The following HAND1 variants were observed in gnomAD, a reference collection of about 807,000 sequenced individuals.
The protein encoded by HAND1 is heart- and neural crest derivatives-expressed protein 1.
In HAND1, 10 loss-of-function variants were observed where a neutral mutation model predicts 14.5. The observed-to-expected ratio is 0.69, with a 90% CI of 0.42 to 1.17. HAND1 has a LOEUF of 1.17. Among genes scored for constraint, HAND1 ranks in the 50% most tolerant of loss-of-function variants. HAND1 has a pLI of 0.00. For synonymous variants in HAND1, 128 were observed against 127.1 expected, an observed-to-expected ratio of 1.01 and a Z score of -0.05; for missense variants, 299 against 298.4, an observed-to-expected ratio of 1.00 and a Z score of -0.01.
intron 1 of HAND1, among the ~76,000 whole-genome samples, chr5:154,476,687 G>C (rs1757547536): frequency 6.6e-6 from 1 of 152,114 alleles, no homozygotes; most frequent in East Asian, 1.9e-4. Flanking sequence ...ACGGCCTTAA[G>C]CCCCCCAACC....
rs1582055552 is a variant in HAND1, at chr5:154,475,693, G to C, written c.*113C>G. On this transcript the variant is annotated 3_prime_UTR_variant, in exon 2 of 2. Transcript: ENST00000231121. The stretch of plus-strand genomic sequence containing the variant: ...CCGGCGCTCAGCAGAAGCTCCGCGG[G>C]ATGCGTAGCACCAGTCGCCGGAGCC... 1.3e-6 allele frequency: 1 copy of C among 785,632 alleles called. No individual in the cohort carries two copies. The highest frequency in any genetic ancestry group is 2.6e-5 in the East Asian group (1 of 37,792). The allele number at this position is 785,632 out of a possible 1,614,324, so 48.7% of individuals were successfully genotyped here.
rs1272863502 is a variant in HAND1, at chr5:154,475,094, A to C, written c.*712T>G. 1.3e-5 allele frequency: 2 copies of C among 152,672 alleles called. No individual in the cohort carries two copies. The highest frequency in any genetic ancestry group is 2.9e-5 in the Non-Finnish European group (2 of 68,102). The allele number at this position is 152,672 out of a possible 1,614,324, so 9.5% of individuals were successfully genotyped here. A position where few individuals can be genotyped will look rare whatever the true frequency, so the allele number is the denominator to read the frequency against. ...GTTGGGGATGGCAGGATGAACAAAC[A>C]CCTGAGCACAACAGGCATGGTAGGT... On this transcript the variant is annotated 3_prime_UTR_variant, in exon 2 of 2. Transcript: ENST00000231121.
intron 1 of HAND1, 60 bp from the exon 2 acceptor site, chr5:154,475,970 C>G: frequency 5.3e-6 from 7 of 1,332,150 alleles, no homozygotes; most frequent in Non-Finnish European, 7.5e-6. Flanking sequence ...TTTTCTGCTC[C>G]GATCGCCCGG....
Position 154,477,547 on chromosome 5 carries a change from T to G in HAND1, c.462A>C (p.Ala154=). The G allele has an allele frequency of 1.9e-6, 3 of 1,614,200 alleles. No homozygotes were observed. The South Asian group carries it at 3.3e-5, about 18-fold the overall frequency. ...AYLMDVLAKD[A]QSGDPEAFKA... is the part of the protein sequence containing the mutation. Reference sequence around the variant, plus strand: ...TGAAGGCCTCGGGATCGCCAGACTGTGCATCCTTGGCCAGCACGTCCATCA... The same window carrying G: ...TGAAGGCCTCGGGATCGCCAGACTGGGCATCCTTGGCCAGCACGTCCATCA... The change falls in exon 1 of 2, where the codon GCA becomes GCC. Residue 154 remains alanine, a synonymous_variant. Transcript: ENST00000231121.
In HAND1 at chr5:154,477,961, C is replaced by T. The variant is rs776997898; in HGVS notation, c.48G>A (p.Pro16=). Residue 16 remains proline, a synonymous_variant, in exon 1 of 2, where the codon CCG becomes CCA. Coordinates refer to ENST00000231121, the MANE Select transcript of HAND1 (RefSeq NM_004821.3). Reference sequence around the variant, plus strand: ...CGTGGAGCATGGGGTGCGCAGGGTGCGGGTGGTGATGGTGGTGATGGTGTG... The same window carrying T: ...CGTGGAGCATGGGGTGCGCAGGGTGTGGGTGGTGATGGTGGTGATGGTGTG... ...SYAHHHHHHH[P]HPAHPMLHEP... is the part of the protein sequence containing the mutation. 1.3e-5 allele frequency: 20 copies of T among 1,598,244 alleles called. 1 individual carries two copies. The South Asian group carries it at 1.5e-4, about 12-fold the overall frequency.
In HAND1 at chr5:154,477,676, G is replaced by A; in HGVS notation, c.333C>T (p.Asn111=). 2 of 1,614,240 alleles carry A rather than the reference G, an allele frequency of 1.2e-6. No homozygotes were observed. The highest frequency in any genetic ancestry group is 1.7e-6 in the Non-Finnish European group (2 of 1,180,044). ...KKERRRTESI[N]SAFAELRECI... Reference sequence around the variant, plus strand: ...ACTCGCGCAACTCCGCGAATGCGCTGTTAATGCTCTCAGTGCGTCTCCGCT... The same window carrying A: ...ACTCGCGCAACTCCGCGAATGCGCTATTAATGCTCTCAGTGCGTCTCCGCT... Residue 111 remains asparagine (N), a synonymous_variant, in exon 1 of 2, where the codon AAC becomes AAT. Coordinates refer to ENST00000231121, the MANE Select transcript of HAND1 (RefSeq NM_004821.3).
Position 154,477,682 on chromosome 5 carries a change from GC to G in HAND1, c.326del (p.Ser109ThrfsTer30). The G allele has an allele frequency of 6.2e-7, 1 of 1,614,220 alleles. No individual in the cohort carries two copies. Among genetic ancestry groups the G allele is most frequent in the Non-Finnish European group, 8.5e-7 (1 of 1,180,040 alleles). On this transcript the variant is annotated frameshift_variant, in exon 1 of 2. Coordinates refer to ENST00000231121, the MANE Select transcript of HAND1 (RefSeq NM_004821.3). LOFTEE classifies it high-confidence loss of function. ...GPKKERRRTESINSAFAELRE... is the reference protein window; with the variant it reads ...GPKKERRRTEXINSAFAELRE... ...GCAACTCCGCGAATGCGCTGTTAAT[GC>G]TCTCAGTGCGTCTCCGCTCCTTCTT...
intron 1 of HAND1, 42 bp from the exon 2 acceptor site, chr5:154,475,952 G>A (rs762952934): frequency 1.3e-6 from 2 of 1,531,418 alleles, no homozygotes; most frequent in Non-Finnish European, 1.8e-6. Context: ...GGAGAGACAG[G>A]TTTTAATTTT....
Position 154,478,098 on chromosome 5 carries a change from AGCCACTACTGGGC to A in HAND1, c.-103_-91del. On this transcript the variant is annotated 5_prime_UTR_variant, in exon 1 of 2. Transcript: ENST00000231121. The surrounding 1 kb of genome is among the most constrained non-coding windows in gnomAD (Gnocchi z 4.5). ...GCCGGGGGCCACCTGTGGGCTCTGG[AGCCACTACTGGGC>A]GCCGGCTTTGGGAGAGTCCGGGCAA... The A allele has an allele frequency of 6.8e-7, 1 of 1,466,354 alleles. No individual in the cohort carries two copies. Among genetic ancestry groups the A allele is most frequent in the Non-Finnish European group, 9.4e-7 (1 of 1,065,656 alleles). 90.8% of individuals were successfully genotyped at this position (1,466,354 alleles called of 1,614,324 possible).
rs1248511959 is a variant in HAND1, at chr5:154,475,637, A to G, written c.*169T>C. 1.4e-5 allele frequency: 9 copies of G among 646,676 alleles called. No individual in the cohort carries two copies. The highest frequency in any genetic ancestry group is 2.2e-5 in the Non-Finnish European group (8 of 356,404). 40.1% of individuals were successfully genotyped at this position (646,676 alleles called of 1,614,324 possible). ...AAAATCAAAGGACATTGCACGTGCG[A>G]TCCAAGTGTGTGGTTGCAGCCGACG... is the stretch of plus-strand genomic sequence containing the variant. On this transcript the variant is annotated 3_prime_UTR_variant, in exon 2 of 2. Coordinates refer to ENST00000231121, the MANE Select transcript of HAND1 (RefSeq NM_004821.3).
At chr5:154,476,012 T>C in intron 1 of HAND1, 102 bp from the exon 2 acceptor site, 1 of 830,816 alleles carries the variant, frequency 1.2e-6, no homozygotes, top group Non-Finnish European at 2.1e-6. Context: ...GGGGAAGGTG[T>C]CGGGAGCAGT....
intron 1 of HAND1, among the ~76,000 whole-genome samples, chr5:154,476,589 C>T (rs1017279107): frequency 1.3e-5 from 2 of 152,170 alleles, no homozygotes; most frequent in Middle Eastern, 3.2e-3. Flanking sequence ...ATCTTTCCCT[C>T]GTCCCTGGAT....
chr5:154,475,664 C>T lies in HAND1; in HGVS notation c.*142G>A, dbSNP rs1757529339. 1.5e-6 allele frequency: 1 copy of T among 682,528 alleles called. No individual in the cohort carries two copies. The highest frequency in any genetic ancestry group is 2.7e-6 in the Non-Finnish European group (1 of 374,352). The allele number at this position is 682,528 out of a possible 1,614,324, so 42.3% of individuals were successfully genotyped here. On this transcript the variant is annotated 3_prime_UTR_variant, in exon 2 of 2. Transcript: ENST00000231121. ...CCAAGTGTGTGGTTGCAGCCGACGACCTGCCGGCGCTCAGCAGAAGCTCCG... is the reference window on the plus strand; with the variant it reads ...CCAAGTGTGTGGTTGCAGCCGACGATCTGCCGGCGCTCAGCAGAAGCTCCG...
At position 154,477,491 on chromosome 5, in the gene HAND1, C is replaced by A. The variant is rs146912397; in HGVS notation, c.518G>T (p.Arg173Leu). 77 of 1,614,024 alleles carry A rather than the reference C, an allele frequency of 4.8e-5. No homozygotes were observed. In the African/African-American group the frequency reaches 9.2e-4, roughly 19 times the overall value. ...CAGCTCCCTTTTCCGCTTGCTCTCA[C>A]GGCCGCCATCCGCCTTCTTGAGTTC... The part of the protein sequence containing the change: ...KAELKKADGG[R>L]ESKRKRELQQ... The change falls in exon 1 of 2, where the codon CGT becomes CTT. Residue 173 changes from arginine (R) to leucine (L), a missense_variant. Arg to Leu is a moderately radical substitution (Grantham distance 102, BLOSUM62 -2). Coordinates refer to ENST00000231121, the MANE Select transcript of HAND1 (RefSeq NM_004821.3).
At position 154,478,121 on chromosome 5, in the gene HAND1, G is replaced by C. The variant is rs1427601466; in HGVS notation, c.-113C>G. ...GGAGCCACTACTGGGCGCCGGCTTT[G>C]GGAGAGTCCGGGCAAGGCTGAAAAT... On this transcript the variant is annotated 5_prime_UTR_variant, in exon 1 of 2. Coordinates refer to ENST00000231121, the MANE Select transcript of HAND1 (RefSeq NM_004821.3). The surrounding 1 kb of genome is among the most constrained non-coding windows in gnomAD (Gnocchi z 4.5). 6.0e-6 allele frequency: 7 copies of C among 1,166,684 alleles called. No individual in the cohort carries two copies. In the African/African-American group the frequency reaches 6.0e-5, roughly 10 times the overall value. The allele number at this position is 1,166,684 out of a possible 1,614,324, so 72.3% of individuals were successfully genotyped here.
At position 154,477,449 on chromosome 5, in the gene HAND1, C is replaced by G. The variant is rs1417719032; in HGVS notation, c.543+17G>C. 2 of 1,603,284 alleles carry G rather than the reference C, an allele frequency of 1.2e-6. No homozygotes were observed. The highest frequency in any genetic ancestry group is 1.7e-6 in the Non-Finnish European group (2 of 1,170,414). The stretch of plus-strand genomic sequence containing the variant: ...CTCCTGCACCCTTGGCTGGAGCATG[C>G]AAGCCCCAGGACTCACCAGCTCCCT... On this transcript the variant is annotated intron_variant, in intron 1 of 1. Coordinates refer to ENST00000231121, the MANE Select transcript of HAND1 (RefSeq NM_004821.3).
Position 154,477,665 on chromosome 5 carries a change from G to A in HAND1, c.344C>T (p.Ala115Val). Residue 115 changes from alanine to valine, a missense_variant, in exon 1 of 2, where the codon GCG becomes GTG. Physicochemically the swap from Ala to Val is moderately conservative, Grantham distance 64. Transcript: ENST00000231121. Reference sequence around the variant, plus strand: ...GTTGGGGATGCACTCGCGCAACTCCGCGAATGCGCTGTTAATGCTCTCAGT... The same window carrying A: ...GTTGGGGATGCACTCGCGCAACTCCACGAATGCGCTGTTAATGCTCTCAGT... ...RRTESINSAF[A>V]ELRECIPNVP... is the part of the protein sequence containing the mutation. 1.9e-6 allele frequency: 3 copies of A among 1,614,230 alleles called. No individual in the cohort carries two copies. The highest frequency in any genetic ancestry group is 2.5e-6 in the Non-Finnish European group (3 of 1,180,044).
At position 154,476,935 on chromosome 5, in the gene HAND1, C is replaced by T. The variant is rs1757551417; in HGVS notation, c.543+531G>A. 2.0e-5 allele frequency among the ~76,000 whole-genome samples: 3 copies of T among 152,160 alleles called. No individual in the cohort carries two copies. The South Asian group carries it at 6.2e-4, about 32-fold the overall frequency. ...CTGGCCCTGGACTGAGTAGAAGACC[C>T]GATCTGTTTTACCTCACCTCCACCC... On this transcript the variant is annotated intron_variant, in intron 1 of 1. Coordinates refer to ENST00000231121, the MANE Select transcript of HAND1 (RefSeq NM_004821.3).
chr5:154,477,748 C>A lies in HAND1; in HGVS notation c.261G>T (p.Ala87=), dbSNP rs768347498. ...TCCGCCGGCCAAGACGGCCGCCAAGCGCCTCCAGCCGCCCGGGGCTCTGCC... is the reference window on the plus strand; with the variant it reads ...TCCGCCGGCCAAGACGGCCGCCAAGAGCCTCCAGCCGCCCGGGGCTCTGCC... ...RPGQSPGRLE[A]LGGRLGRRKG... is the part of the protein sequence containing the mutation. The change falls in exon 1 of 2, where the codon GCG becomes GCT. Residue 87 remains alanine (A), a synonymous_variant. Coordinates refer to ENST00000231121, the MANE Select transcript of HAND1 (RefSeq NM_004821.3). The A allele has an allele frequency of 1.2e-4, 192 of 1,611,322 alleles. No homozygotes were observed. The highest frequency in any genetic ancestry group is 1.7e-4 in the Middle Eastern group (1 of 6,060).
Sources: allele counts gnomAD v4.1 joint callset (sites outside exome capture counted in the v4.1 genomes callset), GRCh38; gene constraint gnomAD v4.1.1; non-coding constraint Gnocchi (gnomAD v3.1); transcripts MANE v1.5; gene names NCBI Gene and HGNC (gene_info 2026-07-23, HGNC 2026-07-21).